Variants in CNBD1 observed in about 807,000 individuals in gnomAD.
CNBD1 encodes cyclic nucleotide binding domain containing 1.
In CNBD1, 71 loss-of-function variants were observed where a neutral mutation model predicts 54.4. The ratio of observed to expected loss-of-function variants is 1.30; its 90% CI spans 1.08 to 1.59. The LOEUF (loss-of-function observed/expected upper bound fraction) is 1.59, where lower values mean the gene tolerates loss of function less well. CNBD1 is among the 40% of genes most tolerant of loss of function. The probability of loss-of-function intolerance (pLI) is 0.00; values close to 1 mark genes in which losing one functional copy is unlikely to be tolerated. For synonymous variants in CNBD1, 182 were observed against 170.7 expected, an observed-to-expected ratio of 1.07 and a Z score of -0.51; for missense variants, 659 against 518.0, an observed-to-expected ratio of 1.27 and a Z score of -2.64.
chr8:87,136,476 C>T (rs1329458216), intron 4 of CNBD1, among the ~76,000 whole-genome samples: 2 of 137,524 alleles, frequency 1.5e-5, no homozygotes, highest in African/African-American at 2.7e-5. Context: ...AAGAAGCATA[C>T]ATTTTGCTTA....
chr8:87,306,272 G>C (rs115402274), intron 8 of CNBD1, among the ~76,000 whole-genome samples: 1 of 152,002 alleles, frequency 6.6e-6, no homozygotes, highest in Non-Finnish European at 1.5e-5. Context: ...TGGTGTGGCT[G>C]CAGGGAACAC....
intron 4 of CNBD1, among the ~76,000 whole-genome samples, chr8:87,116,356 C>T (rs903306627): frequency 6.6e-6 from 1 of 151,722 alleles, no homozygotes; most frequent in Non-Finnish European, 1.5e-5. Context: ...CATGCACCAC[C>T]ACACCTGGCT....
intron 4 of CNBD1, among the ~76,000 whole-genome samples, chr8:87,172,347 C>T (rs546142693): frequency 5.5e-4 from 83 of 152,128 alleles, no homozygotes; most frequent in Middle Eastern, 3.4e-3. Context: ...TATTCTACAG[C>T]TATTGGATGA....
At chr8:87,372,192 T>C (rs762353696) in intron 10 of CNBD1, among the ~76,000 whole-genome samples, 9 of 151,596 alleles carry the variant, frequency 5.9e-5, no homozygotes, top group East Asian at 1.9e-4. Context: ...TATACACCAA[T>C]AACAGACAAA....
chr8:86,960,753 C>A (rs1416811172), intron 4 of CNBD1, among the ~76,000 whole-genome samples: 1 of 152,166 alleles, frequency 6.6e-6, no homozygotes, highest in East Asian at 1.9e-4. Flanking sequence ...CAAGTGACAC[C>A]TCATACAGCT....
At chr8:87,403,251 G>T (rs564946845) in intron 2 of CNBD1, among the ~76,000 whole-genome samples, 2 of 152,104 alleles carry the variant, frequency 1.3e-5, no homozygotes, top group African/African-American at 4.8e-5. Context: ...AAGAGGTTGG[G>T]CTGTACATCT....
intron 7 of CNBD1, among the ~76,000 whole-genome samples, chr8:87,285,340 T>C (rs1400095916): frequency 1.3e-5 from 2 of 152,214 alleles, no homozygotes; most frequent in African/African-American, 4.8e-5. Context: ...TTAAGATAAC[T>C]TCATTTACTT....
At chr8:87,026,801 A>G (rs1809655872) in intron 4 of CNBD1, among the ~76,000 whole-genome samples, 1 of 152,212 alleles carries the variant, frequency 6.6e-6, no homozygotes, top group Non-Finnish European at 1.5e-5. Flanking sequence ...ATTTTTCCCA[A>G]TAACTCAGGA....
intron 4 of CNBD1, among the ~76,000 whole-genome samples, chr8:87,167,053 G>A (rs1168358208): frequency 6.6e-6 from 1 of 151,768 alleles, no homozygotes; most frequent in Non-Finnish European, 1.5e-5. Flanking sequence ...GCAAAAGAAA[G>A]TAAAAAATAC....
At chr8:87,249,564 C>T (rs933073628) in intron 6 of CNBD1, among the ~76,000 whole-genome samples, 1 of 152,216 alleles carries the variant, frequency 6.6e-6, no homozygotes, top group South Asian at 2.1e-4. Flanking sequence ...ATAGGTCTAT[C>T]TTTCAACCGC....
chr8:87,413,074 A>G (rs910114526), intron 2 of CNBD1, among the ~76,000 whole-genome samples: 1 of 151,952 alleles, frequency 6.6e-6, no homozygotes, highest in Non-Finnish European at 1.5e-5. Context: ...TTAGGGGCTC[A>G]CAAGGGGCTC....
rs1409229583 is a variant in CNBD1, at chr8:87,378,753, C to G, written c.1304-3867C>G. Among the ~76,000 whole-genome samples, 20 of 151,322 alleles carry G rather than the reference C, an allele frequency of 1.3e-4. No individual in the cohort carries two copies. The East Asian group carries it at 3.7e-3, about 28-fold the overall frequency. ...TGTAAATTACCTTGGGCAGTATGGA[C>G]ATTTTCATGATATTGATTCTTCCTA... is the stretch of plus-strand genomic sequence containing the variant. On this transcript the variant is annotated intron_variant, in intron 10 of 10. Transcript: ENST00000518476.
intron 4 of CNBD1, among the ~76,000 whole-genome samples, chr8:86,987,041 A>G (rs1003664227): frequency 2.6e-5 from 4 of 152,160 alleles, no homozygotes; most frequent in Non-Finnish European, 4.4e-5. Flanking sequence ...TTCTATTTCT[A>G]TGAAAAAATG....
intron 6 of CNBD1, among the ~76,000 whole-genome samples, chr8:87,245,935 T>C (rs1424978352): frequency 2.0e-5 from 3 of 152,124 alleles, no homozygotes; most frequent in African/African-American, 4.8e-5. Context: ...CTAGTAATAA[T>C]TGAGTACATA....
intron 4 of CNBD1, among the ~76,000 whole-genome samples, chr8:86,967,763 T>C (rs887509849): frequency 2.6e-5 from 4 of 152,168 alleles, no homozygotes; most frequent in Non-Finnish European, 4.4e-5. Flanking sequence ...AATTCCAACA[T>C]TCCTGTCATA....
At chr8:87,001,741 CAA>C (rs1808997831) in intron 4 of CNBD1, among the ~76,000 whole-genome samples, 1 of 152,038 alleles carries the variant, frequency 6.6e-6, no homozygotes, top group Admixed American at 6.6e-5. Context: ...TTGAATATTT[CAA>C]AGTGTTTTAC....
chr8:86,926,317 G>A (rs1359294803), intron 3 of CNBD1, among the ~76,000 whole-genome samples: 2 of 152,230 alleles, frequency 1.3e-5, no homozygotes, highest in East Asian at 3.9e-4. Context: ...CCTCCAGAGG[G>A]GAACTCTTTA....
At chr8:87,419,148 CA>C (rs1315612246) in intron 2 of CNBD1, among the ~76,000 whole-genome samples, 3 of 151,788 alleles carry the variant, frequency 2.0e-5, no homozygotes, top group African/African-American at 7.3e-5. Flanking sequence ...ATTTATGCTA[CA>C]AACAATAGAT....
chr8:87,013,827 G>T (rs1044536979), intron 4 of CNBD1, among the ~76,000 whole-genome samples: 1 of 151,424 alleles, frequency 6.6e-6, no homozygotes, highest in Non-Finnish European at 1.5e-5. Flanking sequence ...CTGGCACACC[G>T]AACTTTTTCT....
Sources: allele counts gnomAD v4.1 joint callset (sites outside exome capture counted in the v4.1 genomes callset), GRCh38; gene constraint gnomAD v4.1.1; transcripts MANE v1.5; gene names NCBI Gene and HGNC (gene_info 2026-07-23, HGNC 2026-07-21).